Variants in TARDBP observed in about 807,000 individuals in gnomAD.
The protein encoded by TARDBP is TAR DNA binding protein.
In TARDBP, 4 loss-of-function variants were observed where a neutral mutation model predicts 38.3. The ratio of observed to expected loss-of-function variants is 0.10; its 90% CI spans 0.05 to 0.24. The LOEUF is 0.24. Among genes scored for constraint, TARDBP ranks in the 10% least tolerant of loss-of-function variants. TARDBP has a pLI of 1.00. For missense variants in TARDBP, 202 were observed against 521.9 expected (o/e 0.39, Z 5.97); for synonymous variants, 184 against 183.8 (o/e 1.00, Z -0.01).
chr1:11,013,983 T>G lies in TARDBP; in HGVS notation c.238+18T>G. On this transcript the variant is annotated intron_variant, in intron 2 of 5. Transcript: ENST00000240185. The stretch of plus-strand genomic sequence containing the variant: ...TCCAAAAGGTTTGTTACCATTTGGT[T>G]TTTGTAATCATGCTGAAGTGTGTTC... 6.2e-7 allele frequency: 1 copy of G among 1,613,092 alleles called. No homozygotes were observed.
At chr1:11,026,696 C>T (rs116311214), downstream of TARDBP, 1,000 of 434,614 alleles carry the variant, frequency 2.3e-3, 12 homozygotes, top group African/African-American at 0.018. Context: ...CCCCTTGAGT[C>T]AATGGGTAAG....
In TARDBP at chr1:11,022,891, T is replaced by C. The variant is rs573267417; in HGVS notation, c.*237T>C. ...TATTGAGTGGTTGAAAGTGAACTGC[T>C]GTTTGCCTGATTGGTAAACCAACAC... On this transcript the variant is annotated 3_prime_UTR_variant, in exon 6 of 6. Transcript: ENST00000240185. This position sits in a 1 kb window ranked among gnomAD's most constrained non-coding sequence, Gnocchi z 4.5. 2.2e-6 allele frequency: 3 copies of C among 1,367,004 alleles called. No homozygotes were observed. The highest frequency in any genetic ancestry group is 2.8e-6 in the Non-Finnish European group (3 of 1,061,998). The allele number at this position is 1,367,004 out of a possible 1,614,324, so 84.7% of individuals were successfully genotyped here. A position where few individuals can be genotyped will look rare whatever the true frequency, so the allele number is the denominator to read the frequency against.
chr1:11,027,538 C>G (rs538447621), downstream of TARDBP: 1 of 1,614,136 alleles, frequency 6.2e-7, no homozygotes, highest in South Asian at 1.1e-5. Flanking sequence ...AAAAGTGCAC[C>G]TGCTGCTGTG....
chr1:11,020,324 C>T (rs1643611311), intron 4 of TARDBP, 105 bp from the exon 5 acceptor site: 1 of 1,363,886 alleles, frequency 7.3e-7, no homozygotes, highest in South Asian at 1.2e-5. Flanking sequence ...TTTAATGGTT[C>T]ACTGCTATCC....
chr1:11,013,679 C>G (rs754798189), intron 1 of TARDBP, 37 bp from the exon 2 acceptor site: 2 of 1,444,998 alleles, frequency 1.4e-6, no homozygotes, highest in African/African-American at 2.8e-5. Flanking sequence ...GTTATTCTGA[C>G]ATGAATGTTG....
At position 11,020,621 on chromosome 1, in the gene TARDBP, T is replaced by C; in HGVS notation, c.714+22T>C. 3 of 1,610,208 alleles carry C rather than the reference T, an allele frequency of 1.9e-6. No individual in the cohort carries two copies. The South Asian group carries it at 3.3e-5, about 18-fold the overall frequency. On this transcript the variant is annotated intron_variant, in intron 5 of 5. Coordinates refer to ENST00000240185, the MANE Select transcript of TARDBP (RefSeq NM_007375.4). Reference sequence around the variant, plus strand: ...TCAGGTATTTTTCTCCTTAACGATATGTCCCGGCCGGGCGTGGTGGCTCAT... The same window carrying C: ...TCAGGTATTTTTCTCCTTAACGATACGTCCCGGCCGGGCGTGGTGGCTCAT...
At chr1:11,026,841 AG>A (rs1371205099), downstream of TARDBP, 1 of 1,446,024 alleles carries the variant, frequency 6.9e-7, no homozygotes, top group East Asian at 2.5e-5. Flanking sequence ...AGGTCTTCAC[AG>A]GCATTTCTAA....
At chr1:11,016,732 C>T in intron 2 of TARDBP, 112 bp from the exon 3 acceptor site, 1 of 1,147,792 alleles carries the variant, frequency 8.7e-7, no homozygotes, top group Non-Finnish European at 1.3e-6. Context: ...TTTTCAGTGT[C>T]TTATTCTTCT....
At position 11,022,330 on chromosome 1, in the gene TARDBP, G is replaced by A; in HGVS notation, c.921G>A (p.Met307Ile). The A allele has an allele frequency of 2.5e-6, 4 of 1,613,968 alleles. No homozygotes were observed. In the South Asian group the frequency reaches 3.3e-5, roughly 13 times the overall value. ...TGGGAAACAATCAAGGTAGTAATAT[G>A]GGTGGTGGGATGAACTTTGGTGCGT... ...AGLGNNQGSN[M>I]GGGMNFGAFS... Residue 307 changes from methionine (M) to isoleucine (I), a missense_variant, in exon 6 of 6, where the codon ATG (methionine) becomes ATA (isoleucine). By Grantham distance (10) the Met-to-Ile change is conservative. Coordinates refer to ENST00000240185, the MANE Select transcript of TARDBP (RefSeq NM_007375.4). The surrounding 1 kb of genome is among the most constrained non-coding windows in gnomAD (Gnocchi z 4.5).
At chr1:11,014,028 G>A in intron 2 of TARDBP, 63 bp downstream of exon 2, 3 of 1,511,646 alleles carry the variant, frequency 2.0e-6, no homozygotes, top group South Asian at 1.1e-5. Context: ...TCTCATCCAT[G>A]GATCTTAGCC....
At chr1:11,019,489 C>T (rs1643592731) in intron 4 of TARDBP, among the ~76,000 whole-genome samples, 1 of 152,068 alleles carries the variant, frequency 6.6e-6, no homozygotes, top group Admixed American at 6.6e-5. Flanking sequence ...AAGTTTGTGG[C>T]CTGGGAGCAA....
rs1358111094 is a variant in TARDBP at position 11,025,436 on chromosome 1, C to T, written c.*2782C>T. The stretch of plus-strand genomic sequence containing the variant: ...AAAATCTATTTGGTCAATCTAAATG[C>T]ATTCATTCTAAAAAATTTTTTGAAC... On this transcript the variant is annotated 3_prime_UTR_variant, in exon 6 of 6. Coordinates refer to ENST00000240185, the MANE Select transcript of TARDBP (RefSeq NM_007375.4). 2 of 152,084 alleles carry T rather than the reference C, an allele frequency of 1.3e-5. No individual in the cohort carries two copies. Among genetic ancestry groups the T allele is most frequent in the East Asian group, 3.8e-4 (2 of 5,204 alleles). 9.4% of individuals were successfully genotyped at this position (152,084 alleles called of 1,614,324 possible).
rs1001355282 is a variant in TARDBP at position 11,023,975 on chromosome 1, C to T, written c.*1321C>T. ...AATGCTGTTTGCTGCAGTTCTGTGTCCTGTGCTTGGATGCTTTTTATAAGA... is the reference window on the plus strand; with the variant it reads ...AATGCTGTTTGCTGCAGTTCTGTGTTCTGTGCTTGGATGCTTTTTATAAGA... On this transcript the variant is annotated 3_prime_UTR_variant, in exon 6 of 6. Coordinates refer to ENST00000240185, the MANE Select transcript of TARDBP (RefSeq NM_007375.4). 6.6e-6 allele frequency: 1 copy of T among 152,554 alleles called. No individual in the cohort carries two copies. Among genetic ancestry groups the T allele is most frequent in the African/African-American group, 2.4e-5 (1 of 41,408 alleles). 9.5% of individuals were successfully genotyped at this position (152,554 alleles called of 1,614,324 possible). A position where few individuals can be genotyped will look rare whatever the true frequency, so the allele number is the denominator to read the frequency against.
intron 2 of TARDBP, 46 bp downstream of exon 2, chr1:11,014,011 G>A (rs769520878): frequency 2.5e-6 from 4 of 1,578,906 alleles, no homozygotes; most frequent in Middle Eastern, 1.7e-4. Flanking sequence ...GTGTGTTCAG[G>A]TGTGTGTCTC....
intron 2 of TARDBP, 32 bp from the exon 3 acceptor site, chr1:11,016,812 A>G: frequency 1.2e-6 from 2 of 1,611,392 alleles, no homozygotes; most frequent in Non-Finnish European, 1.7e-6. Flanking sequence ...CTAAGTGAAG[A>G]TTTCTAAAAG....
intron 2 of TARDBP, among the ~76,000 whole-genome samples, chr1:11,016,554 G>A (rs1643529427): frequency 6.6e-6 from 1 of 152,202 alleles, no homozygotes; most frequent in African/African-American, 2.4e-5. Flanking sequence ...TCAAAGTGAA[G>A]TAGAATTATT....
intron 4 of TARDBP, among the ~76,000 whole-genome samples, chr1:11,019,582 T>TGAGA (rs558420213): frequency 2.0e-5 from 3 of 152,014 alleles, no homozygotes; most frequent in African/African-American, 7.2e-5. Context: ...TTTTTTTTTT[T>TGAGA]GAGAGAGAGA....
chr1:11,030,093 C>G (rs1287199162), downstream of TARDBP: 1 of 967,892 alleles, frequency 1.0e-6, no homozygotes, highest in African/African-American at 1.6e-5. Context: ...TTCTGCCTAC[C>G]ACAGCTAAAG....
At chr1:11,028,863 G>A (rs530221432), downstream of TARDBP, among the ~76,000 whole-genome samples, 7 of 151,278 alleles carry the variant, frequency 4.6e-5, no homozygotes, top group Non-Finnish European at 1.0e-4. Flanking sequence ...ACAGGCACAC[G>A]CCACCACACC....
Sources: allele counts gnomAD v4.1 joint callset (sites outside exome capture counted in the v4.1 genomes callset), GRCh38; gene constraint gnomAD v4.1.1; non-coding constraint Gnocchi (gnomAD v3.1); transcripts MANE v1.5; gene names NCBI Gene and HGNC (gene_info 2026-07-23, HGNC 2026-07-21).